CELF2: variants seen among roughly 807,000 people sequenced by gnomAD.
The protein encoded by CELF2 is CUG triplet repeat RNA-binding protein 2.
A neutral mutation model predicts 62.6 loss-of-function variants in CELF2; 8 were observed. The ratio of observed to expected loss-of-function variants is 0.13; its 90% CI spans 0.07 to 0.23. The LOEUF (loss-of-function observed/expected upper bound fraction) is 0.23. Among genes scored for constraint, CELF2 ranks in the 10% least tolerant of loss-of-function variants. The probability of loss-of-function intolerance (pLI) is 1.00; values close to 1 mark genes in which losing one functional copy is unlikely to be tolerated. For missense variants in CELF2, 333 were observed against 671.0 expected, an observed-to-expected ratio of 0.50 and a Z score of 5.56; for synonymous variants, 258 against 250.0, an observed-to-expected ratio of 1.03 and a Z score of -0.30.
At chr10:11,131,867 A>C (rs1750725) in intron 1 of CELF2, among the ~76,000 whole-genome samples, 87,112 of 152,110 alleles carry the variant, frequency 0.57, 26,075 homozygotes, top group East Asian at 0.85. Context: ...TAAAAGCCAG[A>C]ACTCCTGCAT....
intron 1 of CELF2, among the ~76,000 whole-genome samples, chr10:10,845,330 C>CAAA (rs2058942796): frequency 1.5e-5 from 2 of 135,902 alleles, no homozygotes; most frequent in Non-Finnish European, 1.6e-5. Context: ...GTTCATTGCT[C>CAAA]CAAAAAAAAA....
At chr10:11,154,168 A>G (rs987627820) in intron 1 of CELF2, among the ~76,000 whole-genome samples, 1 of 152,256 alleles carries the variant, frequency 6.6e-6, no homozygotes, top group Non-Finnish European at 1.5e-5. Flanking sequence ...AATTTAGCAC[A>G]TAATTCTACT....
At chr10:10,750,575 G>A in the CELF2 span, among the ~76,000 whole-genome samples, 9 of 152,254 alleles carry the variant, frequency 5.9e-5, no homozygotes, top group African/African-American at 1.9e-4. Flanking sequence ...ATTAAATACT[G>A]TCCATTTCCC....
the CELF2 span, among the ~76,000 whole-genome samples, chr10:10,587,974 C>T: frequency 2.0e-5 from 3 of 152,010 alleles, no homozygotes; most frequent in African/African-American, 7.2e-5. Flanking sequence ...CCCCTCCGCC[C>T]ACTCACCAAG....
At chr10:11,099,880 ACAAC>A (rs2050970012) in intron 1 of CELF2, among the ~76,000 whole-genome samples, 3 of 114,746 alleles carry the variant, frequency 2.6e-5, no homozygotes, top group African/African-American at 1.4e-4. Context: ...AACAACAACA[ACAAC>A]AAAAAAAAAA....
At chr10:10,716,057 A>G in the CELF2 span, among the ~76,000 whole-genome samples, 4,593 of 152,232 alleles carry the variant, frequency 0.03, 187 homozygotes, top group African/African-American at 0.094. Context: ...AATGGAAACA[A>G]TGTAGGAGGG....
chr10:11,033,414 C>T (rs949127869), intron 1 of CELF2, among the ~76,000 whole-genome samples: 6 of 152,088 alleles, frequency 3.9e-5, no homozygotes, highest in African/African-American at 9.7e-5. Context: ...TGCGCCACCA[C>T]ACCCGGCTAA....
the CELF2 span, among the ~76,000 whole-genome samples, chr10:10,721,396 T>C: frequency 6.6e-6 from 1 of 152,236 alleles, no homozygotes. Context: ...CCATCAAATA[T>C]TGAGTGTCTC....
chr10:11,097,083 A>G (rs1458238533), intron 1 of CELF2, among the ~76,000 whole-genome samples: 2 of 152,218 alleles, frequency 1.3e-5, no homozygotes, highest in Non-Finnish European at 2.9e-5. Context: ...CTTCCTCACA[A>G]AATTCTCCTG....
the CELF2 span, among the ~76,000 whole-genome samples, chr10:10,729,393 G>C: frequency 4.9e-4 from 75 of 152,184 alleles, no homozygotes; most frequent in Non-Finnish European, 1.0e-3. Context: ...AATTGGTAAA[G>C]ACATGTTTTT....
intron 1 of CELF2, among the ~76,000 whole-genome samples, chr10:11,096,138 C>G (rs2142194121): frequency 2.0e-5 from 3 of 152,328 alleles, no homozygotes; most frequent in Middle Eastern, 6.8e-3. Context: ...AGAGGAAATG[C>G]ATTTACTTCT....
In CELF2 at chr10:11,085,939, C is replaced by T. The variant is rs114708675; in HGVS notation, c.74+67776C>T. ...AACTCTCTGTGCCTCAACGGCCCAT[C>T]TGTAAACTGAGGAAAGCGACAGTAC... On this transcript the variant is annotated intron_variant, in intron 1 of 12. Transcript: ENST00000633077. Among the ~76,000 whole-genome samples, 1,124 of 152,216 alleles carry T rather than the reference C, an allele frequency of 7.4e-3. 9 individuals are homozygous for T. The highest frequency in any genetic ancestry group is 0.025 in the African/African-American group (1,024 of 41,548).
intron 2 of CELF2, among the ~76,000 whole-genome samples, chr10:11,181,926 C>T (rs367718739): frequency 2.0e-5 from 3 of 152,302 alleles, no homozygotes; most frequent in South Asian, 2.1e-4. Context: ...TGGAACACCC[C>T]GTTGCATTCC....
chr10:11,274,710 G>T (rs2085305693), intron 7 of CELF2, among the ~76,000 whole-genome samples: 1 of 152,194 alleles, frequency 6.6e-6, no homozygotes, highest in Non-Finnish European at 1.5e-5. Flanking sequence ...GGAGGGAATG[G>T]ACCCTGATTG....
intron 1 of CELF2, among the ~76,000 whole-genome samples, chr10:10,865,639 T>C (rs1388788598): frequency 6.6e-6 from 1 of 152,116 alleles, no homozygotes; most frequent in Non-Finnish European, 1.5e-5. Context: ...GCCTAGCAGG[T>C]AAAATATGCG....
At position 11,311,167 on chromosome 10, in the gene CELF2, C is replaced by T. The variant is rs1054488154; in HGVS notation, c.977-2972C>T. 2.0e-5 allele frequency among the ~76,000 whole-genome samples: 3 copies of T among 152,172 alleles called. No homozygotes were observed. Among genetic ancestry groups the T allele is most frequent in the Non-Finnish European group, 4.4e-5 (3 of 68,022 alleles). ...CCCCACTAGAAAACTACAAGGAAAA[C>T]TGACTATCTCAAAACATAGTGCTGG... On this transcript the variant is annotated intron_variant, in intron 9 of 12. Transcript: ENST00000633077. This position sits in a 1 kb window ranked among gnomAD's most constrained non-coding sequence, Gnocchi z 4.7.
intron 9 of CELF2, among the ~76,000 whole-genome samples, chr10:11,312,694 G>A (rs903033957): frequency 2.6e-5 from 4 of 152,226 alleles, no homozygotes; most frequent in African/African-American, 7.2e-5. Flanking sequence ...CCAGCACTTT[G>A]GGAGGCCGAG....
the CELF2 span, among the ~76,000 whole-genome samples, chr10:10,680,690 A>G: frequency 2.6e-5 from 4 of 152,204 alleles, no homozygotes; most frequent in Non-Finnish European, 4.4e-5. Flanking sequence ...CATTGTTAGC[A>G]TAGCCTATCT....
Position 10,861,328 on chromosome 10 carries a change from C to T in CELF2, c.54-58636C>T, listed in dbSNP as rs989883565. ...GGCTCAAGTGATCCTCCTGCCTCAG[C>T]TTCCCAAGGCACTGAAATTACAGGC... On this transcript the variant is annotated intron_variant, in intron 1 of 13. Transcript: ENST00000636488. Among the ~76,000 whole-genome samples the T allele has an allele frequency of 3.3e-5, 5 of 152,340 alleles. No individual in the cohort carries two copies. In the East Asian group the frequency reaches 9.6e-4, roughly 29 times the overall value.
Sources: gnomAD v4.1 joint callset for allele counts (sites outside exome capture counted in the v4.1 genomes callset) on GRCh38, gnomAD v4.1.1 for gene constraint, Gnocchi (gnomAD v3.1) non-coding constraint, MANE v1.5 for transcripts, NCBI Gene and HGNC (gene_info 2026-07-23, HGNC 2026-07-21) for gene names.